The following SIL1 variants were observed in gnomAD, a reference collection of about 807,000 sequenced individuals.
SIL1 encodes SIL1 nucleotide exchange factor, also known as nucleotide exchange factor SIL1.
Under a neutral mutation model 49.1 loss-of-function variants are expected in SIL1, and 40 were observed. The ratio of observed to expected loss-of-function variants is 0.81; its 90% CI spans 0.63 to 1.06. SIL1 has a LOEUF of 1.06. SIL1 is among the 50% of genes least tolerant of loss of function. The probability of loss-of-function intolerance (pLI) is 0.00; values close to 1 mark genes in which losing one functional copy is unlikely to be tolerated. For synonymous variants in SIL1, 253 were observed against 250.8 expected, an observed-to-expected ratio of 1.01 and a Z score of -0.08; for missense variants, 500 against 572.6, an observed-to-expected ratio of 0.87 and a Z score of 1.29.
chr5:139,051,124 G>T lies in SIL1; in HGVS notation c.245-78C>A, dbSNP rs1491002823. ...GTCGGGATGGCCAGCAAGCCAACAGGACTTACTAGTTCATGAAGACACGAC... is the reference window on the plus strand; with the variant it reads ...GTCGGGATGGCCAGCAAGCCAACAGTACTTACTAGTTCATGAAGACACGAC... On this transcript the variant is annotated intron_variant, in intron 3 of 9. Coordinates refer to ENST00000394817, the MANE Select transcript of SIL1 (RefSeq NM_022464.5). The T allele has an allele frequency of 3.1e-6, 4 of 1,292,232 alleles. No individual in the cohort carries two copies. The African/African-American group carries it at 4.4e-5, about 14-fold the overall frequency. The allele number at this position is 1,292,232 out of a possible 1,614,324, so 80.0% of individuals were successfully genotyped here. A position where few individuals can be genotyped will look rare whatever the true frequency, so the allele number is the denominator to read the frequency against.
intron 1 of SIL1, among the ~76,000 whole-genome samples, chr5:139,191,049 T>C (rs1175389647): frequency 6.6e-6 from 1 of 151,768 alleles, no homozygotes; most frequent in African/African-American, 2.4e-5. Flanking sequence ...CTGGCCAACA[T>C]GGTAAAACCC....
At chr5:139,174,976 A>T (rs1003000610) in intron 1 of SIL1, among the ~76,000 whole-genome samples, 63 of 151,624 alleles carry the variant, frequency 4.2e-4, no homozygotes, top group African/African-American at 1.4e-3. Context: ...AAAGAAAAAA[A>T]TAATGAAAGT....
intron 3 of SIL1, among the ~76,000 whole-genome samples, chr5:139,052,993 G>A (rs1018013399): frequency 3.3e-5 from 5 of 152,160 alleles, no homozygotes; most frequent in Admixed American, 2.6e-4. Context: ...GTTCTGGGAG[G>A]AGAGGAGGCT....
intron 1 of SIL1, among the ~76,000 whole-genome samples, chr5:139,130,065 G>A (rs1030114295): frequency 1.3e-5 from 2 of 152,078 alleles, no homozygotes; most frequent in Admixed American, 1.3e-4. Context: ...GCAAAGGCAG[G>A]AGTTCAAGAA....
intron 3 of SIL1, among the ~76,000 whole-genome samples, chr5:139,057,414 C>T (rs1769477994): frequency 6.6e-6 from 1 of 151,684 alleles, no homozygotes; most frequent in Non-Finnish European, 1.5e-5. Flanking sequence ...GCTTCATGTG[C>T]ACATGGTTTA....
chr5:139,145,560 G>C (rs1561879589), intron 1 of SIL1, among the ~76,000 whole-genome samples: 1 of 151,714 alleles, frequency 6.6e-6, no homozygotes, highest in Non-Finnish European at 1.5e-5. Flanking sequence ...ATATCCAAAA[G>C]ATGAAAATGA....
At chr5:138,979,883 G>T (rs577025864) in intron 7 of SIL1, among the ~76,000 whole-genome samples, 1 of 152,268 alleles carries the variant, frequency 6.6e-6, no homozygotes, top group South Asian at 2.1e-4. Flanking sequence ...AGAAGTGAAC[G>T]GCATCATCAA....
intron 7 of SIL1, among the ~76,000 whole-genome samples, chr5:138,955,224 G>C (rs1766876367): frequency 6.6e-6 from 1 of 152,190 alleles, no homozygotes; most frequent in Non-Finnish European, 1.5e-5. Flanking sequence ...GTCAACAGAA[G>C]GATATTAAGG....
intron 3 of SIL1, among the ~76,000 whole-genome samples, chr5:139,075,903 G>A (rs775976162): frequency 6.6e-6 from 1 of 152,184 alleles, no homozygotes; most frequent in Non-Finnish European, 1.5e-5. Context: ...CCAGGAAAGA[G>A]GCACAGTAGG....
intron 1 of SIL1, among the ~76,000 whole-genome samples, chr5:139,190,476 T>C (rs1052912781): frequency 6.6e-6 from 1 of 152,208 alleles, no homozygotes; most frequent in Non-Finnish European, 1.5e-5. Context: ...CCCAGGAGAC[T>C]TTTAACTGCA....
At chr5:139,124,654 G>A (rs1750719258) in intron 2 of SIL1, among the ~76,000 whole-genome samples, 1 of 152,222 alleles carries the variant, frequency 6.6e-6, no homozygotes, top group African/African-American at 2.4e-5. Context: ...AGGCTGGACA[G>A]TGAGTTCAAA....
At chr5:139,149,333 T>A (rs1053939082) in intron 1 of SIL1, among the ~76,000 whole-genome samples, 4 of 152,186 alleles carry the variant, frequency 2.6e-5, no homozygotes, top group African/African-American at 9.7e-5. Context: ...AAAAGATGAA[T>A]AAACCCATAC....
chr5:139,188,745 A>C (rs951091203), intron 1 of SIL1, among the ~76,000 whole-genome samples: 1 of 152,242 alleles, frequency 6.6e-6, no homozygotes, highest in Admixed American at 6.5e-5. Context: ...GTCTGGCTGA[A>C]GAGCAGAAAG....
intron 3 of SIL1, among the ~76,000 whole-genome samples, chr5:139,085,164 G>T (rs562167893): frequency 6.6e-6 from 1 of 152,284 alleles, no homozygotes; most frequent in South Asian, 2.1e-4. Context: ...GCTACAGGGT[G>T]AAAAGTAGCA....
chr5:139,031,682 C>T (rs1421207453), intron 5 of SIL1, among the ~76,000 whole-genome samples: 1 of 152,160 alleles, frequency 6.6e-6, no homozygotes, highest in Non-Finnish European at 1.5e-5. Context: ...TAAACTTATA[C>T]ATTCAGAGAG....
At chr5:139,175,784 G>C (rs1751868382) in intron 1 of SIL1, among the ~76,000 whole-genome samples, 2 of 152,068 alleles carry the variant, frequency 1.3e-5, no homozygotes, top group Non-Finnish European at 2.9e-5. Flanking sequence ...GCAACATGGT[G>C]AAAACCCGTC....
intron 1 of SIL1, among the ~76,000 whole-genome samples, chr5:139,137,727 G>A (rs1051554477): frequency 1.5e-5 from 2 of 130,278 alleles, no homozygotes; most frequent in Non-Finnish European, 3.1e-5. Flanking sequence ...TCCCCTTCCT[G>A]TGTCCATGTG....
At chr5:139,025,579 C>T (rs1768627839) in intron 6 of SIL1, among the ~76,000 whole-genome samples, 1 of 152,146 alleles carries the variant, frequency 6.6e-6, no homozygotes, top group African/African-American at 2.4e-5. Context: ...TTCTTAGGAT[C>T]AAGGCTAAAA....
chr5:138,991,386 T>C (rs1767757628), intron 7 of SIL1, among the ~76,000 whole-genome samples: 1 of 152,264 alleles, frequency 6.6e-6, no homozygotes, highest in Non-Finnish European at 1.5e-5. Context: ...GAAGTCAGTC[T>C]TAGAGATTTC....
Sources: gnomAD v4.1 joint callset for allele counts (sites outside exome capture counted in the v4.1 genomes callset) on GRCh38, gnomAD v4.1.1 for gene constraint, MANE v1.5 for transcripts, NCBI Gene and HGNC (gene_info 2026-07-23, HGNC 2026-07-21) for gene names.